Variants in HMGCL observed in about 807,000 individuals in gnomAD.
The protein encoded by HMGCL is hydroxymethylglutaryl-CoA lyase, mitochondrial.
In HMGCL, 26 loss-of-function variants were observed where a neutral mutation model predicts 37.3. That is an observed-to-expected ratio of 0.70 (90% CI 0.51 to 0.97). The LOEUF (loss-of-function observed/expected upper bound fraction) is 0.97, where lower values mean the gene tolerates loss of function less well. Among genes scored for constraint, HMGCL ranks in the 50% least tolerant of loss-of-function variants. The pLI, the probability that HMGCL is intolerant of heterozygous loss-of-function variation, is 0.00. For synonymous variants in HMGCL, 151 were observed against 148.0 expected (o/e 1.02, Z -0.15); for missense variants, 379 against 398.1 (o/e 0.95, Z 0.41).
In HMGCL at chr1:23,802,381, C is replaced by T. The variant is rs1313316962; in HGVS notation, c.*82G>A. 3 of 897,488 alleles carry T rather than the reference C, an allele frequency of 3.3e-6. No homozygotes were observed. The highest frequency in any genetic ancestry group is 1.7e-5 in the Admixed American group (1 of 59,102). The allele number at this position is 897,488 out of a possible 1,614,324, so 55.6% of individuals were successfully genotyped here. On this transcript the variant is annotated 3_prime_UTR_variant, in exon 9 of 9. Transcript: ENST00000374490. Reference sequence around the variant, plus strand: ...GTACCTGCACCATTTAACCTATTCTCATTTCCATGTCCCCATCCATGAATC... The same window carrying T: ...GTACCTGCACCATTTAACCTATTCTTATTTCCATGTCCCCATCCATGAATC...
intron 2 of HMGCL, among the ~76,000 whole-genome samples, chr1:23,819,740 C>A (rs187549813): frequency 6.6e-6 from 1 of 152,128 alleles, no homozygotes; most frequent in Non-Finnish European, 1.5e-5. Context: ...CAAAAACACA[C>A]ACACACACAC....
chr1:23,821,395 C>G (rs1047049872), intron 1 of HMGCL, among the ~76,000 whole-genome samples: 7 of 152,176 alleles, frequency 4.6e-5, no homozygotes, highest in Non-Finnish European at 1.0e-4. Context: ...GTGGCTCATG[C>G]CTGTAATCCC....
chr1:23,806,802 G>A lies in HMGCL; in HGVS notation c.750+1333C>T. ...GTGCCTAGCACACTAGGCACCGTTA[G>A]GTTAGGTTTTAATAGGTGAATAAAT... On this transcript the variant is annotated intron_variant, in intron 7 of 8. Coordinates refer to ENST00000374490, the MANE Select transcript of HMGCL (RefSeq NM_000191.3). This position sits in a 1 kb window ranked among gnomAD's most constrained non-coding sequence, Gnocchi z 4.0. 1 of 375,630 alleles carries A rather than the reference G, an allele frequency of 2.7e-6. No individual in the cohort carries two copies. Among genetic ancestry groups the A allele is most frequent in the Non-Finnish European group, 5.3e-6 (1 of 189,932 alleles). 23.3% of individuals were successfully genotyped at this position (375,630 alleles called of 1,614,324 possible).
At chr1:23,819,532 C>T (rs1195479230) in intron 2 of HMGCL, among the ~76,000 whole-genome samples, 1 of 152,048 alleles carries the variant, frequency 6.6e-6, no homozygotes, top group Non-Finnish European at 1.5e-5. Flanking sequence ...AGTTCAAGAC[C>T]AGCCCGGCCA....
intron 5 of HMGCL, among the ~76,000 whole-genome samples, chr1:23,813,630 G>T (rs186788683): frequency 1.6e-4 from 25 of 152,130 alleles, no homozygotes; most frequent in African/African-American, 6.0e-4. Context: ...CCTGGGCCTC[G>T]GTTTTGTAAT....
intron 8 of HMGCL, chr1:23,803,582 C>T (rs1478919898): frequency 4.6e-5 from 7 of 152,284 alleles, no homozygotes; most frequent in Admixed American, 2.6e-4. Context: ...GTGATCCACC[C>T]GCCTTGGCTT....
Position 23,806,284 on chromosome 1 carries a change from A to G in HMGCL, c.751-1759T>C, listed in dbSNP as rs1380555222. ...CCTCTCAAACGGAACATTTCAGATC[A>G]TCTCCCTCCCCGCCCCTGCTCAAGA... On this transcript the variant is annotated intron_variant, in intron 7 of 8. Coordinates refer to ENST00000374490, the MANE Select transcript of HMGCL (RefSeq NM_000191.3). The surrounding 1 kb of genome is among the most constrained non-coding windows in gnomAD (Gnocchi z 4.0). Among the ~76,000 whole-genome samples, 1 of 152,016 alleles carries G rather than the reference A, an allele frequency of 6.6e-6. No individual in the cohort carries two copies. Among genetic ancestry groups the G allele is most frequent in the African/African-American group, 2.4e-5 (1 of 41,368 alleles).
intron 1 of HMGCL, 33 bp downstream of exon 1, chr1:23,825,323 A>C (rs1054278226): frequency 1.3e-6 from 2 of 1,531,512 alleles, no homozygotes; most frequent in African/African-American, 2.8e-5. Flanking sequence ...GAGTGCCTGC[A>C]GGGCCGCCGC....
chr1:23,807,035 T>C (rs767364339), intron 7 of HMGCL: 2 of 519,004 alleles, frequency 3.9e-6, no homozygotes, highest in Non-Finnish European at 7.7e-6. Flanking sequence ...CAGCTCAACC[T>C]GTTCCCTGAT....
chr1:23,810,718 C>G lies in HMGCL; in HGVS notation c.561+18G>C. ...GGCCAACCCTCACCAAACCCCCCGCCCTGACACATGCACACACCTCAGCTA... is the reference window on the plus strand; with the variant it reads ...GGCCAACCCTCACCAAACCCCCCGCGCTGACACATGCACACACCTCAGCTA... On this transcript the variant is annotated intron_variant, in intron 6 of 8. Coordinates refer to ENST00000374490, the MANE Select transcript of HMGCL (RefSeq NM_000191.3). The G allele has an allele frequency of 1.2e-6, 2 of 1,613,312 alleles. No individual in the cohort carries two copies. The highest frequency in any genetic ancestry group is 2.2e-5 in the East Asian group (1 of 44,868).
rs530865865 is a variant in HMGCL, at chr1:23,810,526, G to A, written c.561+210C>T. 43 of 568,852 alleles carry A rather than the reference G, an allele frequency of 7.6e-5. 1 individual carries two copies. The East Asian group carries it at 1.4e-3, about 18-fold the overall frequency. 35.2% of individuals were successfully genotyped at this position (568,852 alleles called of 1,614,324 possible). Reference sequence around the variant, plus strand: ...AGGTTTTCAGGCTGGATAGAGGCCAGGGGCTTCAAGGACTACATGTTCGGC... The same window carrying A: ...AGGTTTTCAGGCTGGATAGAGGCCAAGGGCTTCAAGGACTACATGTTCGGC... On this transcript the variant is annotated intron_variant, in intron 6 of 8. Coordinates refer to ENST00000374490, the MANE Select transcript of HMGCL (RefSeq NM_000191.3).
At chr1:23,816,950 G>A (rs1638624383) in intron 3 of HMGCL, among the ~76,000 whole-genome samples, 180 bp from the exon 4 acceptor site, 1 of 152,154 alleles carries the variant, frequency 6.6e-6, no homozygotes, top group African/African-American at 2.4e-5. Flanking sequence ...GCTCAGAAGG[G>A]CCCTTGGTTT....
chr1:23,823,685 C>A (rs576218129), intron 1 of HMGCL, among the ~76,000 whole-genome samples: 170 of 152,114 alleles, frequency 1.1e-3, no homozygotes, highest in Non-Finnish European at 2.0e-3. Flanking sequence ...ACTGTCCTCT[C>A]AACAATCTTA....
At position 23,824,515 on chromosome 1, in the gene HMGCL, G is replaced by C. The variant is rs546543199; in HGVS notation, c.60+841C>G. On this transcript the variant is annotated intron_variant, in intron 1 of 8. Transcript: ENST00000374490. ...AAGATATTAACGTGGCTTTCTGAGAGGGACCCAGTGCCAGGAGTGTATTTT... is the reference window on the plus strand; with the variant it reads ...AAGATATTAACGTGGCTTTCTGAGACGGACCCAGTGCCAGGAGTGTATTTT... Among the ~76,000 whole-genome samples the C allele has an allele frequency of 7.9e-5, 12 of 152,282 alleles. No homozygotes were observed. The South Asian group carries it at 2.3e-3, about 29-fold the overall frequency.
chr1:23,816,994 C>A (rs971169039), intron 3 of HMGCL, among the ~76,000 whole-genome samples: 2 of 152,198 alleles, frequency 1.3e-5, no homozygotes, highest in South Asian at 4.1e-4. Context: ...ATGGCCCATA[C>A]TGCCAGCTTT....
intron 1 of HMGCL, 52 bp downstream of exon 1, chr1:23,825,304 T>A (rs1042363857): frequency 6.9e-7 from 1 of 1,452,156 alleles, no homozygotes; most frequent in African/African-American, 1.4e-5. Flanking sequence ...CCCCCAACCC[T>A]GACAGTCAGA....
intron 1 of HMGCL, among the ~76,000 whole-genome samples, chr1:23,820,884 T>C (rs1638707075): frequency 6.6e-6 from 1 of 152,206 alleles, no homozygotes; most frequent in Non-Finnish European, 1.5e-5. Context: ...CATATAGCAG[T>C]CCCGAAACAG....
intron 7 of HMGCL, among the ~76,000 whole-genome samples, chr1:23,807,676 G>A (rs1638437341): frequency 6.6e-6 from 1 of 152,162 alleles, no homozygotes; most frequent in South Asian, 2.1e-4. Context: ...TTCCTCATCT[G>A]CTTCTGCTAC....
chr1:23,814,901 C>T (rs2148422785), intron 4 of HMGCL, among the ~76,000 whole-genome samples: 2 of 152,142 alleles, frequency 1.3e-5, no homozygotes, highest in East Asian at 1.9e-4. Context: ...TCCCATACGA[C>T]TGGTGACCTT....
Sources: allele counts gnomAD v4.1 joint callset (sites outside exome capture counted in the v4.1 genomes callset), GRCh38; gene constraint gnomAD v4.1.1; non-coding constraint Gnocchi (gnomAD v3.1); transcripts MANE v1.5; gene names NCBI Gene and HGNC (gene_info 2026-07-23, HGNC 2026-07-21).